DGKI: variants seen among roughly 807,000 people sequenced by gnomAD.
DGKI encodes the protein diacylglycerol kinase iota, also known as DAG kinase iota.
A neutral mutation model predicts 147.5 loss-of-function variants in DGKI; 55 were observed. The observed-to-expected ratio is 0.37, with a 90% CI of 0.30 to 0.47. The LOEUF is 0.47. DGKI is among the 20% of genes least tolerant of loss of function. The probability of loss-of-function intolerance (pLI) is 1.00; values close to 1 mark genes in which losing one functional copy is unlikely to be tolerated. For missense variants in DGKI, 1,007 were observed against 1,323.8 expected, an observed-to-expected ratio of 0.76 and a Z score of 3.71; for synonymous variants, 469 against 477.1, an observed-to-expected ratio of 0.98 and a Z score of 0.22.
At chr7:137,455,042 G>C (rs1234992798) in intron 27 of DGKI, among the ~76,000 whole-genome samples, 1 of 152,136 alleles carries the variant, frequency 6.6e-6, no homozygotes, top group Non-Finnish European at 1.5e-5. Flanking sequence ...TGTGGTAATT[G>C]AGTAAGGGCT....
chr7:137,484,946 C>G (rs1815501685), intron 23 of DGKI, among the ~76,000 whole-genome samples: 1 of 151,928 alleles, frequency 6.6e-6, no homozygotes, highest in South Asian at 2.1e-4. Flanking sequence ...TCATCTAGCC[C>G]AGAGGTAAAA....
chr7:137,624,808 G>A lies in DGKI; in HGVS notation c.805-1254C>T, dbSNP rs559849116. Among the ~76,000 whole-genome samples the A allele has an allele frequency of 5.9e-5, 9 of 152,134 alleles. No individual in the cohort carries two copies. In the East Asian group the frequency reaches 9.7e-4, roughly 16 times the overall value. On this transcript the variant is annotated intron_variant, in intron 6 of 32. Transcript: ENST00000614521. Reference sequence around the variant, plus strand: ...TTTTTAGTAGAGACAGGGTTTCACCGTGTTAGCCAGGATGGTCTCAATCTC... The same window carrying A: ...TTTTTAGTAGAGACAGGGTTTCACCATGTTAGCCAGGATGGTCTCAATCTC...
chr7:137,843,454 G>T, intron 1 of DGKI: 1 of 984,924 alleles, frequency 1.0e-6, no homozygotes, highest in South Asian at 4.7e-5. Context: ...TGCTCTAGGG[G>T]TGCAGATTCT....
intron 2 of DGKI, among the ~76,000 whole-genome samples, chr7:137,687,085 G>A (rs1405422794): frequency 3.3e-5 from 5 of 152,102 alleles, no homozygotes; most frequent in Non-Finnish European, 7.3e-5. Flanking sequence ...GAGCCAAAGT[G>A]TTACAGAGCA....
At chr7:137,429,483 A>G (rs1296728601) in intron 28 of DGKI, among the ~76,000 whole-genome samples, 1 of 150,302 alleles carries the variant, frequency 6.7e-6, no homozygotes, top group Non-Finnish European at 1.5e-5. Flanking sequence ...CATTCAGGAC[A>G]TAGGCATGGG....
rs1012832588 is a variant in DGKI at position 137,395,744 on chromosome 7, C to G, written c.2958-47G>C. On this transcript the variant is annotated intron_variant, in intron 31 of 32. Coordinates refer to ENST00000614521, the MANE Select transcript of DGKI (RefSeq NM_001321708.2). Reference sequence around the variant, plus strand: ...AAACCACCCATAAAGGGGTTGGAGGCAGCAGGGAATGGGTGAGGGGAGCTG... The same window carrying G: ...AAACCACCCATAAAGGGGTTGGAGGGAGCAGGGAATGGGTGAGGGGAGCTG... 5 of 1,579,746 alleles carry G rather than the reference C, an allele frequency of 3.2e-6. No individual in the cohort carries two copies. The African/African-American group carries it at 6.7e-5, about 21-fold the overall frequency.
At chr7:137,767,902 T>G (rs1319941652) in intron 1 of DGKI, among the ~76,000 whole-genome samples, 1 of 152,016 alleles carries the variant, frequency 6.6e-6, no homozygotes, top group African/African-American at 2.4e-5. Context: ...ATAATAAAGG[T>G]GAGCTATTTT....
chr7:137,726,572 A>G (rs1794725286), intron 1 of DGKI, among the ~76,000 whole-genome samples: 1 of 152,224 alleles, frequency 6.6e-6, no homozygotes, highest in African/African-American at 2.4e-5. Flanking sequence ...TGCAGATTCT[A>G]ATTTAATAAA....
chr7:137,518,112 T>C (rs1287809599), intron 21 of DGKI, among the ~76,000 whole-genome samples: 5 of 152,060 alleles, frequency 3.3e-5, no homozygotes. Context: ...ATGAGCAGTA[T>C]GACAGCAGGG....
intron 22 of DGKI, among the ~76,000 whole-genome samples, chr7:137,486,667 A>G (rs910796916): frequency 6.6e-6 from 1 of 152,156 alleles, no homozygotes; most frequent in Non-Finnish European, 1.5e-5. Context: ...TCACATCACT[A>G]TGTGCCTCTC....
intron 3 of DGKI, among the ~76,000 whole-genome samples, chr7:137,660,749 C>A (rs988375209): frequency 2.6e-5 from 4 of 151,854 alleles, no homozygotes; most frequent in Admixed American, 2.6e-4. Context: ...CAATGAATAT[C>A]TGGTGGGAGT....
At chr7:137,677,692 G>A (rs989031119) in intron 3 of DGKI, among the ~76,000 whole-genome samples, 2 of 152,086 alleles carry the variant, frequency 1.3e-5, no homozygotes, top group African/African-American at 4.8e-5. Context: ...ACATCTTGCT[G>A]CAAATATTTC....
intron 8 of DGKI, 45 bp downstream of exon 8, chr7:137,619,779 T>C (rs1283700800): frequency 6.8e-7 from 1 of 1,478,892 alleles, no homozygotes; most frequent in Non-Finnish European, 9.4e-7. Context: ...CAGCAGTTCA[T>C]TTTTCTCTGC....
rs548278396 is a variant in DGKI, at chr7:137,443,041, G to A, written c.2761+1036C>T. Among the ~76,000 whole-genome samples, 81 of 152,236 alleles carry A rather than the reference G, an allele frequency of 5.3e-4. 1 individual carries two copies. Among genetic ancestry groups the A allele is most frequent in the African/African-American group, 1.9e-3 (77 of 41,542 alleles). On this transcript the variant is annotated intron_variant, in intron 28 of 32. Transcript: ENST00000614521. ...TATGGAGAAAAGCAGGGAGATGGCA[G>A]AAAAGATGGTGAGCTCCAGAAATTT...
At chr7:137,703,213 G>C (rs923471436) in intron 1 of DGKI, among the ~76,000 whole-genome samples, 1 of 152,348 alleles carries the variant, frequency 6.6e-6, no homozygotes, top group South Asian at 2.1e-4. Context: ...GCAGGAGAGA[G>C]AGGGAGAAGG....
At chr7:137,820,678 G>C (rs1040659207) in intron 1 of DGKI, among the ~76,000 whole-genome samples, 1 of 152,092 alleles carries the variant, frequency 6.6e-6, no homozygotes, top group African/African-American at 2.4e-5. Flanking sequence ...GGGGCTGTGG[G>C]TCTTCTTAGC....
chr7:137,638,604 A>ATATATACATATATGTATATGTGTG (rs1563125792), intron 6 of DGKI, among the ~76,000 whole-genome samples: 326 of 5,676 alleles, frequency 0.057, 25 homozygotes, highest in Non-Finnish European at 0.1. Flanking sequence ...ACATATATGT[A>ATATATACATATATGTATATGTGTG]TATATATACA....
chr7:137,436,466 A>C (rs1037609102), intron 28 of DGKI, among the ~76,000 whole-genome samples: 2 of 152,164 alleles, frequency 1.3e-5, no homozygotes, highest in African/African-American at 4.8e-5. Context: ...CAGTACAGAG[A>C]AATGGTTAAG....
intron 1 of DGKI, among the ~76,000 whole-genome samples, chr7:137,828,858 G>C (rs959991808): frequency 1.6e-4 from 24 of 152,234 alleles, no homozygotes; most frequent in African/African-American, 5.5e-4. Flanking sequence ...TATTTAACAT[G>C]ATGGGAACTG....
Sources: gnomAD v4.1 joint callset for allele counts (sites outside exome capture counted in the v4.1 genomes callset) on GRCh38, gnomAD v4.1.1 for gene constraint, MANE v1.5 for transcripts, NCBI Gene and HGNC (gene_info 2026-07-23, HGNC 2026-07-21) for gene names.